Variants in COL24A1 observed in about 807,000 individuals in gnomAD.
COL24A1 encodes collagen alpha-1(XXIV) chain.
Under a neutral mutation model 253.9 loss-of-function variants are expected in COL24A1, and 224 were observed. The ratio of observed to expected loss-of-function variants is 0.88; its 90% CI spans 0.79 to 0.99. The LOEUF (loss-of-function observed/expected upper bound fraction) is 0.99. Among genes scored for constraint, COL24A1 ranks in the 50% least tolerant of loss-of-function variants. The pLI is 0.00. For synonymous variants in COL24A1, 685 were observed against 673.7 expected, an observed-to-expected ratio of 1.02 and a Z score of -0.26; for missense variants, 2,131 against 2,068.5, an observed-to-expected ratio of 1.03 and a Z score of -0.59.
intron 47 of COL24A1, among the ~76,000 whole-genome samples, chr1:85,791,901 T>A (rs1218303444): frequency 6.6e-6 from 1 of 151,994 alleles, no homozygotes; most frequent in Non-Finnish European, 1.5e-5. Context: ...CCCTCCCCAA[T>A]AAAACAGAAA....
chr1:85,756,764 A>G (rs1666307050), intron 55 of COL24A1, among the ~76,000 whole-genome samples: 1 of 152,230 alleles, frequency 6.6e-6, no homozygotes, highest in Non-Finnish European at 1.5e-5. Flanking sequence ...TTTGTACAGC[A>G]ATGTTTATAG....
At chr1:86,018,873 T>G (rs1056971070) in intron 18 of COL24A1, among the ~76,000 whole-genome samples, 1 of 152,180 alleles carries the variant, frequency 6.6e-6, no homozygotes, top group African/African-American at 2.4e-5. Context: ...TCTCTATTTT[T>G]TTTTAAAATA....
At chr1:85,812,245 C>T (rs768105602) in intron 47 of COL24A1, among the ~76,000 whole-genome samples, 2 of 152,210 alleles carry the variant, frequency 1.3e-5, no homozygotes, top group African/African-American at 4.8e-5. Flanking sequence ...AAAGCACAGA[C>T]AAAATGTGTA....
chr1:86,108,620 TAAAAAAAAAAAAAAA>T (rs55852463), intron 5 of COL24A1, among the ~76,000 whole-genome samples: 1 of 83,102 alleles, frequency 1.2e-5, no homozygotes, highest in African/African-American at 5.1e-5. Flanking sequence ...CCATCTCTAC[TAAAAAAAAAAAAAAA>T]AAAAAAAAAA....
intron 24 of COL24A1, among the ~76,000 whole-genome samples, chr1:85,941,518 T>C (rs1688754675): frequency 6.6e-6 from 1 of 152,168 alleles, no homozygotes; most frequent in Non-Finnish European, 1.5e-5. Flanking sequence ...CTGTTCATAT[T>C]TTTAGCTCTA....
chr1:85,770,766 G>C (rs537420186), intron 53 of COL24A1, among the ~76,000 whole-genome samples: 6 of 152,142 alleles, frequency 3.9e-5, no homozygotes, highest in Non-Finnish European at 8.8e-5. Context: ...CTAGAAATGA[G>C]GGAAGTAGGG....
At chr1:86,104,736 AG>A (rs1318781510) in intron 5 of COL24A1, among the ~76,000 whole-genome samples, 1 of 152,186 alleles carries the variant, frequency 6.6e-6, no homozygotes, top group Non-Finnish European at 1.5e-5. Flanking sequence ...CTTCAAGGTT[AG>A]GATCCCACTG....
At chr1:85,738,488 C>T (rs891570053) in intron 57 of COL24A1, among the ~76,000 whole-genome samples, 8 of 152,148 alleles carry the variant, frequency 5.3e-5, no homozygotes, top group African/African-American at 1.9e-4. Context: ...TGGGCCTAAA[C>T]TCAGACTACA....
chr1:85,830,465 C>T (rs57947545), intron 43 of COL24A1, among the ~76,000 whole-genome samples: 6,183 of 152,222 alleles, frequency 0.041, 345 homozygotes, highest in East Asian at 0.17. Context: ...TTGAGCTTCC[C>T]GGCTGCTTTG....
At chr1:86,131,085 T>A (rs1043011642) in intron 2 of COL24A1, among the ~76,000 whole-genome samples, 7 of 151,944 alleles carry the variant, frequency 4.6e-5, no homozygotes, top group Middle Eastern at 3.2e-3. Context: ...CAGCTGCTGT[T>A]CCATGGTTCT....
At chr1:86,086,265 C>G (rs1703056882) in intron 7 of COL24A1, among the ~76,000 whole-genome samples, 1 of 152,124 alleles carries the variant, frequency 6.6e-6, no homozygotes, top group Admixed American at 6.6e-5. Flanking sequence ...ATACCACTGT[C>G]TAACAAATAT....
chr1:85,882,870 C>T (rs12144570), intron 32 of COL24A1, among the ~76,000 whole-genome samples: 125,303 of 152,158 alleles, frequency 0.82, 51,761 homozygotes, highest in Admixed American at 0.87. Context: ...TTTACCCTGA[C>T]AATTTTCCTT....
At chr1:85,879,073 A>G (rs1369428582) in intron 32 of COL24A1, among the ~76,000 whole-genome samples, 1 of 152,132 alleles carries the variant, frequency 6.6e-6, no homozygotes, top group African/African-American at 2.4e-5. Flanking sequence ...GGCAGATTTA[A>G]AAAGATGTTA....
chr1:85,882,396 C>T (rs772472009), intron 32 of COL24A1, among the ~76,000 whole-genome samples: 2 of 152,016 alleles, frequency 1.3e-5, no homozygotes, highest in Non-Finnish European at 2.9e-5. Flanking sequence ...ACCCGGGAGG[C>T]GGAGCTTGCA....
intron 19 of COL24A1, among the ~76,000 whole-genome samples, chr1:85,989,535 A>C (rs1214526601): frequency 2.0e-5 from 3 of 151,706 alleles, no homozygotes; most frequent in Non-Finnish European, 4.4e-5. Flanking sequence ...TCCCCTGTAA[A>C]ATTCATTTTC....
At chr1:85,768,998 T>C (rs58758282) in intron 53 of COL24A1, among the ~76,000 whole-genome samples, 137,395 of 152,164 alleles carry the variant, frequency 0.9, 62,591 homozygotes, top group Non-Finnish European at 0.96. Context: ...AGCACAGAAT[T>C]CAATAAATTC....
rs1412456258 is a variant in COL24A1, at chr1:86,115,448, G to T, written c.1492-70C>A. ...TTTATTTTCTTACGAGTCTGAATAA[G>T]ATTTCCACCCAAAGACAACTCTTTT... is the stretch of plus-strand genomic sequence containing the variant. On this transcript the variant is annotated intron_variant, in intron 3 of 59. Transcript: ENST00000370571. The T allele has an allele frequency of 2.1e-6, 3 of 1,442,236 alleles. No homozygotes were observed. In the African/African-American group the frequency reaches 4.2e-5, roughly 20 times the overall value. 89.3% of individuals were successfully genotyped at this position (1,442,236 alleles called of 1,614,324 possible). A position where few individuals can be genotyped will look rare whatever the true frequency, so the allele number is the denominator to read the frequency against.
intron 19 of COL24A1, among the ~76,000 whole-genome samples, chr1:86,015,215 A>T (rs904437660): frequency 6.6e-6 from 1 of 152,122 alleles, no homozygotes; most frequent in South Asian, 2.1e-4. Flanking sequence ...ATTAGGCCCC[A>T]TTTCCCAAAA....
chr1:85,802,467 T>A (rs1671533805), intron 47 of COL24A1, among the ~76,000 whole-genome samples: 1 of 152,162 alleles, frequency 6.6e-6, no homozygotes, highest in African/African-American at 2.4e-5. Context: ...ATTATTATTA[T>A]TCCCAATTTA....
Sources: allele counts gnomAD v4.1 joint callset (sites outside exome capture counted in the v4.1 genomes callset), GRCh38; gene constraint gnomAD v4.1.1; transcripts MANE v1.5; gene names NCBI Gene and HGNC (gene_info 2026-07-23, HGNC 2026-07-21).